Variants in LILRB5 observed in about 807,000 individuals in gnomAD.
LILRB5 encodes the protein leukocyte immunoglobulin like receptor B5.
In LILRB5, 61 loss-of-function variants were observed where a neutral mutation model predicts 68.4. The ratio of observed to expected loss-of-function variants is 0.89; its 90% confidence interval spans 0.73 to 1.10. LILRB5 has a LOEUF of 1.10. LILRB5 is among the 50% of genes least tolerant of loss of function. The probability of loss-of-function intolerance (pLI) is 0.00; values close to 1 mark genes in which losing one functional copy is unlikely to be tolerated. For synonymous variants in LILRB5, 356 were observed against 315.8 expected (o/e 1.13, Z -1.35); for missense variants, 771 against 751.6 (o/e 1.03, Z -0.30).
chr19:54,254,130 T>C, intron 7 of LILRB5, 62 bp from the exon 8 acceptor site: 1 of 1,554,842 alleles, frequency 6.4e-7, no homozygotes, highest in South Asian at 1.2e-5. Flanking sequence ...GCCCGGCTGC[T>C]CCTCCCCCAG....
intron 12 of LILRB5, chr19:54,251,656 C>G: frequency 1.6e-6 from 1 of 609,444 alleles, no homozygotes; most frequent in Non-Finnish European, 3.2e-6. Context: ...GCTCAGGAGG[C>G]GGGGGCGGCT....
chr19:54,255,812 G>A, intron 4 of LILRB5: 1 of 669,582 alleles, frequency 1.5e-6, no homozygotes. Context: ...TTGAGGGACA[G>A]GAAATTGCAG....
rs1422268503 is a variant in LILRB5 at position 54,252,564 on chromosome 19, A to G, written c.1475-15T>C. 2.5e-6 allele frequency: 4 copies of G among 1,613,378 alleles called. No homozygotes were observed. In the African/African-American group the frequency reaches 5.3e-5, roughly 22 times the overall value. ...GTAGAAATGGGCTGGACAGAGATGG[A>G]CAGAGGGTCAGGCCTGGGAGAATTC... On this transcript the variant is annotated splice_polypyrimidine_tract_variant and intron_variant, in intron 9 of 12. Coordinates refer to ENST00000449561, the MANE Select transcript of LILRB5 (RefSeq NM_001081442.3).
chr19:54,252,725 ATTCTC>A, intron 9 of LILRB5, 141 bp downstream of exon 9: 18 of 995,986 alleles, frequency 1.8e-5, no homozygotes, highest in Non-Finnish European at 2.7e-5. Context: ...GCTCACATTT[ATTCTC>A]TTCTTTCTCG....
chr19:54,250,456 T>C lies in LILRB5; in HGVS notation c.*330A>G, dbSNP rs141556511. 8.2e-4 allele frequency: 247 copies of C among 299,482 alleles called. No individual in the cohort carries two copies. Among genetic ancestry groups the C allele is most frequent in the Middle Eastern group, 1.9e-3 (2 of 1,066 alleles). The allele number at this position is 299,482 out of a possible 1,614,324, so 18.6% of individuals were successfully genotyped here. The stretch of plus-strand genomic sequence containing the variant: ...GTAGGTTTTATTCTTTTCTAATTCA[T>C]TCGCTCATTTGTAGTTTTCCGATTT... On this transcript the variant is annotated 3_prime_UTR_variant, in exon 13 of 13. Transcript: ENST00000449561.
chr19:54,251,612 A>G, intron 12 of LILRB5: 2 of 578,190 alleles, frequency 3.5e-6, no homozygotes, highest in South Asian at 3.1e-5. Flanking sequence ...GACACGATGC[A>G]TTTATTTGCA....
chr19:54,252,582 G>A (rs2147618434), intron 9 of LILRB5, 33 bp from the exon 10 acceptor site: 3 of 1,611,978 alleles, frequency 1.9e-6, no homozygotes, highest in Non-Finnish European at 2.5e-6. Flanking sequence ...TCAGGCCTGG[G>A]AGAATTCGAA....
In LILRB5 at chr19:54,255,940, A is replaced by G. The variant is rs180756557; in HGVS notation, c.655+103T>C. Reference sequence around the variant, plus strand: ...CCTCACGCCTTCAGCCCATCCATCAACACATCCTTCTGGGGTCCTTGCCAT... The same window carrying G: ...CCTCACGCCTTCAGCCCATCCATCAGCACATCCTTCTGGGGTCCTTGCCAT... On this transcript the variant is annotated intron_variant, in intron 4 of 12. Coordinates refer to ENST00000449561, the MANE Select transcript of LILRB5 (RefSeq NM_001081442.3). 67 of 987,028 alleles carry G rather than the reference A, an allele frequency of 6.8e-5. 1 individual carries two copies. Among genetic ancestry groups the G allele is most frequent in the Non-Finnish European group, 9.4e-5 (63 of 670,798 alleles). 61.1% of individuals were successfully genotyped at this position (987,028 alleles called of 1,614,324 possible). A position where few individuals can be genotyped will look rare whatever the true frequency, so the allele number is the denominator to read the frequency against.
At chr19:54,254,531 C>T in intron 6 of LILRB5, 116 bp from the exon 7 acceptor site, 1 of 1,350,232 alleles carries the variant, frequency 7.4e-7, no homozygotes, top group Non-Finnish European at 1.0e-6. Context: ...TCACCATTTG[C>T]ATCCCAGGAG....
chr19:54,252,212 G>A, intron 11 of LILRB5, 106 bp from the exon 12 acceptor site: 1 of 1,472,984 alleles, frequency 6.8e-7, no homozygotes, highest in African/African-American at 1.4e-5. Context: ...GATCCAGGGA[G>A]GGACTGTGAT....
In LILRB5 at chr19:54,252,347, T is replaced by C. The variant is rs2078985260; in HGVS notation, c.1576+19A>G. 1.9e-6 allele frequency: 3 copies of C among 1,613,390 alleles called. No homozygotes were observed. Among genetic ancestry groups the C allele is most frequent in the African/African-American group, 1.3e-5 (1 of 74,898 alleles). On this transcript the variant is annotated intron_variant, in intron 11 of 12. Coordinates refer to ENST00000449561, the MANE Select transcript of LILRB5 (RefSeq NM_001081442.3). ...GCTCCCTTGCCCACCCCAGGTGCCCTCCGCTTCTAGTCACTCACTGAGAAT... is the reference window on the plus strand; with the variant it reads ...GCTCCCTTGCCCACCCCAGGTGCCCCCCGCTTCTAGTCACTCACTGAGAAT...
In LILRB5 at chr19:54,252,072, C is replaced by T; in HGVS notation, c.1611G>A (p.Gly537=). The T allele has an allele frequency of 6.2e-7, 1 of 1,614,024 alleles. No homozygotes were observed. Among genetic ancestry groups the T allele is most frequent in the African/African-American group, 1.3e-5 (1 of 75,034 alleles). Residue 537 remains glycine, a synonymous_variant, in exon 12 of 13, where the codon GGG becomes GGA. Coordinates refer to ENST00000449561, the MANE Select transcript of LILRB5 (RefSeq NM_001081442.3). ...GCCTCACCGGAGCATCCATCTCCAC[C>T]CCGTCCTTGGGCTGTGTGTCCTTCA... ...AAVKDTQPKD[G]VEMDAPAAAS...
At chr19:54,251,508 A>C (rs1199839971) in intron 12 of LILRB5, 2 of 529,120 alleles carry the variant, frequency 3.8e-6, no homozygotes, top group African/African-American at 1.9e-5. Flanking sequence ...ACAGCTGAGC[A>C]GACAGCCCTC....
intron 4 of LILRB5, 122 bp downstream of exon 4, chr19:54,255,921 G>A (rs139426427): frequency 1.9e-4 from 162 of 835,836 alleles, no homozygotes; most frequent in African/African-American, 1.9e-3. Context: ...TCTTCCTCAC[G>A]CCTTCAGCCC....
chr19:54,255,897 G>T, intron 4 of LILRB5, 146 bp downstream of exon 4: 1 of 710,446 alleles, frequency 1.4e-6, no homozygotes, highest in Non-Finnish European at 2.3e-6. Context: ...CCCCATCTGA[G>T]CCTCCCCGTG....
At chr19:54,257,050 C>T in intron 1 of LILRB5, 54 bp from the exon 2 acceptor site, 1 of 1,614,162 alleles carries the variant, frequency 6.2e-7, no homozygotes, top group Non-Finnish European at 8.5e-7. Context: ...AGCAGTTCCT[C>T]TCCTCCCTCG....
At chr19:54,255,630 C>A in intron 4 of LILRB5, 48 bp from the exon 5 acceptor site, 1 of 1,565,860 alleles carries the variant, frequency 6.4e-7, no homozygotes, top group Non-Finnish European at 8.7e-7. Flanking sequence ...TCCTCCCCCG[C>A]CCCTTCCTTC....
chr19:54,251,871 G>A, intron 12 of LILRB5, 183 bp downstream of exon 12: 1 of 781,706 alleles, frequency 1.3e-6, no homozygotes, highest in Admixed American at 1.8e-5. Context: ...CCGGGAGGAG[G>A]CCCACGAGGT....
intron 12 of LILRB5, chr19:54,251,339 T>G (rs1460688603): frequency 1.3e-6 from 1 of 789,854 alleles, no homozygotes; most frequent in East Asian, 2.7e-5. Flanking sequence ...TTCTGGCCTC[T>G]GCTCCTCACT....
Sources: gnomAD v4.1 joint callset for allele counts on GRCh38, gnomAD v4.1.1 for gene constraint, MANE v1.5 for transcripts, NCBI Gene and HGNC (gene_info 2026-07-23, HGNC 2026-07-21) for gene names.